IGSF11: variants seen among roughly 807,000 people sequenced by gnomAD.
IGSF11 encodes the protein CXADR like 1.
In IGSF11, 22 loss-of-function variants were observed where a neutral mutation model predicts 41.0. The observed-to-expected ratio is 0.54, with a 90% CI of 0.38 to 0.77. The LOEUF (loss-of-function observed/expected upper bound fraction) is 0.77, where lower values mean the gene tolerates loss of function less well. IGSF11 is among the 30% of genes least tolerant of loss of function. The pLI is 0.00. For missense variants in IGSF11, 444 were observed against 530.8 expected (o/e 0.84, Z 1.61); for synonymous variants, 219 against 201.3 (o/e 1.09, Z -0.74).
chr3:119,120,966 T>C (rs542327915), intron 1 of IGSF11, among the ~76,000 whole-genome samples: 1 of 152,290 alleles, frequency 6.6e-6, no homozygotes, highest in Non-Finnish European at 1.5e-5. Flanking sequence ...AAAACTAGTA[T>C]CTTAATAACT....
At chr3:119,133,301 C>T (rs544427071) in intron 1 of IGSF11, among the ~76,000 whole-genome samples, 2 of 152,034 alleles carry the variant, frequency 1.3e-5, no homozygotes, top group African/African-American at 4.8e-5. Context: ...AAAAGATCAA[C>T]AAAATTGATA....
At chr3:119,118,239 G>A (rs997565828) in intron 1 of IGSF11, among the ~76,000 whole-genome samples, 1 of 152,214 alleles carries the variant, frequency 6.6e-6, no homozygotes, top group Non-Finnish European at 1.5e-5. Flanking sequence ...CTCCAAGAGG[G>A]CCCCATTCCT....
At chr3:119,015,978 T>C (rs964493) in intron 1 of IGSF11, among the ~76,000 whole-genome samples, 62,259 of 151,966 alleles carry the variant, frequency 0.41, 15,947 homozygotes, top group African/African-American at 0.73. Flanking sequence ...AACCACTGAA[T>C]GGGGGTGCAG....
Position 119,026,900 on chromosome 3 carries a change from GA to G in IGSF11, c.52+7630del, listed in dbSNP as rs572829097. ...ACATTTTCTCAAAACTGTACAAAAT[GA>G]GATCATCACTTCAAGTGAAATAACT... is the stretch of plus-strand genomic sequence containing the variant. On this transcript the variant is annotated intron_variant, in intron 1 of 6. Coordinates refer to ENST00000393775, the MANE Select transcript of IGSF11 (RefSeq NM_001015887.3). Among the ~76,000 whole-genome samples, 320 of 152,254 alleles carry G rather than the reference GA, an allele frequency of 2.1e-3. 1 individual carries two copies. Among genetic ancestry groups the G allele is most frequent in the Middle Eastern group, 6.8e-3 (2 of 294 alleles).
chr3:118,943,851 G>C (rs1943902576), intron 1 of IGSF11, among the ~76,000 whole-genome samples: 1 of 152,188 alleles, frequency 6.6e-6, no homozygotes, highest in Admixed American at 6.5e-5. Flanking sequence ...CCACTTGGTT[G>C]AATATAGCTC....
chr3:119,078,280 A>G (rs751058988), intron 1 of IGSF11, among the ~76,000 whole-genome samples: 1 of 152,264 alleles, frequency 6.6e-6, no homozygotes, highest in Non-Finnish European at 1.5e-5. Flanking sequence ...CTACAAGGAT[A>G]CATTAACCAA....
intron 1 of IGSF11, among the ~76,000 whole-genome samples, chr3:119,141,522 TTA>T (rs1279529655): frequency 6.6e-6 from 1 of 151,116 alleles, no homozygotes; most frequent in Non-Finnish European, 1.5e-5. Context: ...TGAAAAGCTT[TTA>T]ACTAGGTTGA....
intron 1 of IGSF11, among the ~76,000 whole-genome samples, chr3:119,014,583 T>C (rs1349039870): frequency 6.6e-6 from 1 of 152,156 alleles, no homozygotes; most frequent in Non-Finnish European, 1.5e-5. Context: ...GTAACTGAAA[T>C]ATTGCTTAGT....
At chr3:119,115,779 A>T (rs1208307857) in intron 1 of IGSF11, among the ~76,000 whole-genome samples, 2 of 152,168 alleles carry the variant, frequency 1.3e-5, no homozygotes, top group African/African-American at 4.8e-5. Context: ...AAAATAGAGA[A>T]ATCTTAACTA....
At position 119,099,928 on chromosome 3, in the gene IGSF11, A is replaced by G. The variant is rs116547784; in HGVS notation, c.49+5216T>C. ...GTACACTGTACTTTCTCAATCTGAT[A>G]ACTGAGACAATTACTAAGAAACTAA... On this transcript the variant is annotated intron_variant, in intron 1 of 6. Coordinates refer to the IGSF11 transcript ENST00000354673. Among the ~76,000 whole-genome samples the G allele has an allele frequency of 3.9e-3, 591 of 152,252 alleles. 6 individuals are homozygous for G. The highest frequency in any genetic ancestry group is 0.013 in the African/African-American group (558 of 41,542).
intron 1 of IGSF11, among the ~76,000 whole-genome samples, chr3:119,080,941 A>G (rs2076576462): frequency 6.6e-6 from 1 of 152,092 alleles, no homozygotes; most frequent in South Asian, 2.1e-4. Flanking sequence ...AATTTTACCC[A>G]AAAAGTTTCA....
At chr3:119,143,511 A>G (rs2077676911) in intron 1 of IGSF11, among the ~76,000 whole-genome samples, 1 of 152,182 alleles carries the variant, frequency 6.6e-6, no homozygotes, top group South Asian at 2.1e-4. Context: ...AACATGATAC[A>G]CTATAAAAAA....
At chr3:119,085,916 G>A (rs1485463071) in intron 1 of IGSF11, among the ~76,000 whole-genome samples, 3 of 152,208 alleles carry the variant, frequency 2.0e-5, no homozygotes, top group Non-Finnish European at 4.4e-5. Flanking sequence ...TATTGAAAAT[G>A]AAAGTAAACT....
At position 119,034,628 on chromosome 3, in the gene IGSF11, C is replaced by A. The variant is rs1227962141; in HGVS notation, c.-46G>T. ...GCCTGCCTCCTACCCGGCTCCCGGT[C>A]GCAACAGGAGAGGAGCGGGCGTGAG... On this transcript the variant is annotated 5_prime_UTR_variant, in exon 1 of 7. Coordinates refer to ENST00000393775, the MANE Select transcript of IGSF11 (RefSeq NM_001015887.3). 1.9e-6 allele frequency: 3 copies of A among 1,548,454 alleles called. No individual in the cohort carries two copies. The highest frequency in any genetic ancestry group is 1.9e-5 in the Admixed American group (1 of 51,550).
At position 119,110,513 on chromosome 3, in the gene IGSF11, C is replaced by T. The variant is rs192704541; in HGVS notation, c.-13-5308G>A. 1.5e-3 allele frequency among the ~76,000 whole-genome samples: 226 copies of T among 152,294 alleles called. 1 individual carries two copies. The highest frequency in any genetic ancestry group is 4.7e-4 in the Non-Finnish European group (32 of 68,034). ...GCACGTGAGATGGCTTTCCTGAATA[C>T]AGCACACTGATGGGTCTTCACTCTT... is the stretch of plus-strand genomic sequence containing the variant. On this transcript the variant is annotated intron_variant, in intron 1 of 7. Coordinates refer to the IGSF11 transcript ENST00000425327.
intron 1 of IGSF11, among the ~76,000 whole-genome samples, chr3:118,995,958 A>G (rs1256171369): frequency 1.3e-5 from 2 of 151,606 alleles, no homozygotes; most frequent in East Asian, 3.9e-4. Context: ...AATTTTTTGT[A>G]TTTTTAGTAG....
chr3:119,099,367 T>G (rs2076905929), intron 1 of IGSF11, among the ~76,000 whole-genome samples: 4 of 152,158 alleles, frequency 2.6e-5, no homozygotes, highest in Admixed American at 2.6e-4. Flanking sequence ...GGAAGGTACA[T>G]GGACACAATA....
intron 1 of IGSF11, among the ~76,000 whole-genome samples, chr3:118,989,436 T>C (rs535706551): frequency 1.2e-4 from 18 of 151,998 alleles, no homozygotes; most frequent in Admixed American, 7.9e-4. Context: ...CACTGCAACC[T>C]CCGCCTCGCG....
At chr3:118,948,814 T>TAA (rs200343984) in intron 1 of IGSF11, among the ~76,000 whole-genome samples, 5 of 149,146 alleles carry the variant, frequency 3.4e-5, no homozygotes, top group Admixed American at 1.3e-4. Flanking sequence ...AAATAAAAAA[T>TAA]AAAAAAAAAT....
Sources: gnomAD v4.1 joint callset for allele counts (sites outside exome capture counted in the v4.1 genomes callset) on GRCh38, gnomAD v4.1.1 for gene constraint, MANE v1.5 for transcripts, NCBI Gene and HGNC (gene_info 2026-07-23, HGNC 2026-07-21) for gene names.